The following GNG4 variants were observed in gnomAD, a reference collection of about 807,000 sequenced individuals.
The protein encoded by GNG4 is G protein subunit gamma 4.
GNG4 carries 4 observed loss-of-function variants against 5.8 expected under a neutral mutation model. The observed-to-expected ratio is 0.69, with a 90% CI of 0.34 to 1.57. The LOEUF (loss-of-function observed/expected upper bound fraction) is 1.57, where lower values mean the gene tolerates loss of function less well. Ranked by LOEUF, GNG4 falls within the 40% of genes most tolerant of loss-of-function variation. The pLI is 0.06. For synonymous variants in GNG4, 29 were observed against 32.9 expected, an observed-to-expected ratio of 0.88 and a Z score of 0.41; for missense variants, 96 against 95.1, an observed-to-expected ratio of 1.01 and a Z score of -0.04.
chr1:235,612,071 A>C (rs1688489633), intron 1 of GNG4, among the ~76,000 whole-genome samples: 2 of 78,074 alleles, frequency 2.6e-5, no homozygotes, highest in Non-Finnish European at 5.1e-5. Context: ...CTCACAAAAA[A>C]AAAAAAAAAA....
At chr1:235,557,442 C>T (rs1461271624) in intron 3 of GNG4, among the ~76,000 whole-genome samples, 1 of 152,024 alleles carries the variant, frequency 6.6e-6, no homozygotes, top group Non-Finnish European at 1.5e-5. Flanking sequence ...CTGGGACTCA[C>T]CCCCTTTCCC....
intron 3 of GNG4, among the ~76,000 whole-genome samples, chr1:235,578,172 TA>T (rs1199776710): frequency 6.6e-6 from 1 of 151,976 alleles, no homozygotes; most frequent in African/African-American, 2.4e-5. Context: ...TGACTATTAT[TA>T]AAAAAACAGA....
At position 235,642,808 on chromosome 1, in the gene GNG4, T is replaced by C. The variant is rs1036845549; in HGVS notation, c.-123+6854A>G. On this transcript the variant is annotated intron_variant, in intron 1 of 3. Coordinates refer to ENST00000391854, the MANE Select transcript of GNG4 (RefSeq NM_001098722.2). This position sits in a 1 kb window ranked among gnomAD's most constrained non-coding sequence, Gnocchi z 4.3. Reference sequence around the variant, plus strand: ...GCAATCTCGCCCCTGTGGCTTCACCTGGGTCCAGCCAGACCTCTGCTCAGC... The same window carrying C: ...GCAATCTCGCCCCTGTGGCTTCACCCGGGTCCAGCCAGACCTCTGCTCAGC... 4.6e-5 allele frequency among the ~76,000 whole-genome samples: 7 copies of C among 152,154 alleles called. No homozygotes were observed. The highest frequency in any genetic ancestry group is 6.5e-5 in the Admixed American group (1 of 15,282).
intron 3 of GNG4, among the ~76,000 whole-genome samples, chr1:235,563,541 G>A (rs1037110322): frequency 2.6e-5 from 4 of 151,808 alleles, no homozygotes; most frequent in Admixed American, 6.6e-5. Flanking sequence ...GGCTATACTG[G>A]ACAATTATCA....
At chr1:235,589,437 G>A (rs1571899163) in intron 2 of GNG4, among the ~76,000 whole-genome samples, 2 of 152,158 alleles carry the variant, frequency 1.3e-5, no homozygotes, top group African/African-American at 2.4e-5. Context: ...GAGTCAAGGC[G>A]GACAGTGTGA....
At chr1:235,621,378 G>A (rs1185317367) in intron 1 of GNG4, among the ~76,000 whole-genome samples, 2 of 144,856 alleles carry the variant, frequency 1.4e-5, no homozygotes, top group African/African-American at 5.1e-5. Flanking sequence ...TGCAGCCTCT[G>A]CCTCCTGGGT....
upstream of GNG4, among the ~76,000 whole-genome samples, chr1:235,650,286 G>C (rs1189710608): frequency 1.5e-4 from 6 of 40,076 alleles, no homozygotes; most frequent in Admixed American, 5.6e-4. Flanking sequence ...GGGCGCGGCG[G>C]GGGGGAGATC....
intron 2 of GNG4, among the ~76,000 whole-genome samples, chr1:235,585,225 T>C (rs1249519057): frequency 2.6e-5 from 4 of 151,750 alleles, no homozygotes; most frequent in East Asian, 3.9e-4. Flanking sequence ...TCCTTTCCTT[T>C]CCTTCCCCTT....
At chr1:235,597,587 G>A (rs1225491364) in intron 1 of GNG4, among the ~76,000 whole-genome samples, 2 of 83,622 alleles carry the variant, frequency 2.4e-5, no homozygotes, top group African/African-American at 1.3e-4. Context: ...TAACTTGTTT[G>A]CTGTGTGTGT....
upstream of GNG4, among the ~76,000 whole-genome samples, chr1:235,650,253 A>G (rs1198346440): frequency 5.9e-3 from 109 of 18,386 alleles, 2 homozygotes; most frequent in South Asian, 0.1. Context: ...GCCGGGGGGT[A>G]AATCACTGGG....
chr1:235,555,362 C>G (rs573994326), intron 3 of GNG4, among the ~76,000 whole-genome samples: 2 of 152,290 alleles, frequency 1.3e-5, no homozygotes, highest in African/African-American at 4.8e-5. Flanking sequence ...CAGGAGGCAG[C>G]TGGATAAAAC....
chr1:235,593,776 G>A (rs1688049595), intron 2 of GNG4, among the ~76,000 whole-genome samples: 1 of 152,180 alleles, frequency 6.6e-6, no homozygotes, highest in Admixed American at 6.5e-5. Context: ...TCCTCCCAGT[G>A]GGTTTGTGGT....
At chr1:235,579,862 A>AAAAAAAAAAAAAAAAAT (rs57019025) in intron 3 of GNG4, among the ~76,000 whole-genome samples, 26,137 of 106,726 alleles carry the variant, frequency 0.24, 4,662 homozygotes, top group Non-Finnish European at 0.28. Context: ...CAAAAAAAAA[A>AAAAAAAAAAAAAAAAAT]AGGTAAAAAG....
chr1:235,619,170 TATATATACACACAC>T (rs1455895900), intron 1 of GNG4, among the ~76,000 whole-genome samples: 3 of 91,946 alleles, frequency 3.3e-5, no homozygotes, highest in African/African-American at 2.3e-4. Flanking sequence ...TATATATATA[TATATATACACACAC>T]ATATATATAC....
At chr1:235,620,985 C>T (rs1189324856) in intron 1 of GNG4, among the ~76,000 whole-genome samples, 1 of 152,180 alleles carries the variant, frequency 6.6e-6, no homozygotes, top group Non-Finnish European at 1.5e-5. Context: ...ATGTCACATG[C>T]AGGAACAGTA....
At chr1:235,568,725 C>T (rs1234193647) in intron 3 of GNG4, among the ~76,000 whole-genome samples, 2 of 151,828 alleles carry the variant, frequency 1.3e-5, no homozygotes, top group Non-Finnish European at 2.9e-5. Context: ...AATGATAGTA[C>T]CCAAGGTTCT....
chr1:235,570,876 G>GTGTGTGTGTT (rs1687320023), intron 3 of GNG4, among the ~76,000 whole-genome samples: 1 of 147,014 alleles, frequency 6.8e-6, no homozygotes, highest in Non-Finnish European at 1.5e-5. Context: ...GTGTGTGTGT[G>GTGTGTGTGTT]TGTGTATATG....
At chr1:235,558,456 C>T (rs757957908) in intron 3 of GNG4, among the ~76,000 whole-genome samples, 1 of 152,086 alleles carries the variant, frequency 6.6e-6, no homozygotes, top group Admixed American at 6.5e-5. Context: ...AGGTAATGAC[C>T]GTCTAAATGA....
At chr1:235,571,566 T>C (rs1481720768) in intron 3 of GNG4, among the ~76,000 whole-genome samples, 2 of 152,210 alleles carry the variant, frequency 1.3e-5, no homozygotes, top group African/African-American at 4.8e-5. Context: ...AACACACACA[T>C]TACTGATAAA....
Sources: allele counts gnomAD v4.1 joint callset (sites outside exome capture counted in the v4.1 genomes callset), GRCh38; gene constraint gnomAD v4.1.1; non-coding constraint Gnocchi (gnomAD v3.1); transcripts MANE v1.5; gene names NCBI Gene and HGNC (gene_info 2026-07-23, HGNC 2026-07-21).